The following WDPCP variants were observed in gnomAD, a reference collection of about 807,000 sequenced individuals.
The protein encoded by WDPCP is WD repeat-containing and planar cell polarity effector protein fritz homolog.
WDPCP carries 71 observed loss-of-function variants against 93.1 expected under a neutral mutation model. The ratio of observed to expected loss-of-function variants is 0.76; its 90% CI spans 0.63 to 0.93. The LOEUF is 0.93. Ranked by LOEUF, WDPCP falls within the 40% of genes least tolerant of loss-of-function variation. The pLI, the probability that WDPCP is intolerant of heterozygous loss-of-function variation, is 0.00. For synonymous variants in WDPCP, 315 were observed against 315.0 expected (o/e 1.00, Z 0.00); for missense variants, 844 against 887.4 (o/e 0.95, Z 0.62).
intron 2 of WDPCP, among the ~76,000 whole-genome samples, chr2:63,664,938 CCACTA>C (rs1315227629): frequency 6.6e-6 from 1 of 152,184 alleles, no homozygotes; most frequent in Non-Finnish European, 1.5e-5. Context: ...TATGCTCTTA[CCACTA>C]CACTACACTG....
chr2:63,687,559 A>G (rs1054368180), intron 2 of WDPCP, among the ~76,000 whole-genome samples: 4 of 152,202 alleles, frequency 2.6e-5, no homozygotes, highest in Non-Finnish European at 5.9e-5. Flanking sequence ...AAGACATACA[A>G]ACAACAAACA....
chr2:63,141,366 C>T (rs1671049540), intron 17 of WDPCP, among the ~76,000 whole-genome samples: 2 of 152,334 alleles, frequency 1.3e-5, no homozygotes, highest in South Asian at 4.1e-4. Context: ...CATGAGCCAC[C>T]ATGTCCAGCT....
intron 13 of WDPCP, 97 bp from the exon 14 acceptor site, chr2:63,259,506 A>T (rs911597994): frequency 1.0e-6 from 1 of 964,498 alleles, no homozygotes; most frequent in Non-Finnish European, 1.6e-6. Context: ...AGATTACAAA[A>T]TAGAAACAGT....
At chr2:63,167,874 G>A (rs1673101943) in intron 15 of WDPCP, among the ~76,000 whole-genome samples, 1 of 152,016 alleles carries the variant, frequency 6.6e-6, no homozygotes, top group South Asian at 2.1e-4. Flanking sequence ...CAGCACTTTG[G>A]GAGGCCAAGG....
chr2:63,141,296 C>T (rs1671042657), intron 17 of WDPCP, among the ~76,000 whole-genome samples: 1 of 152,154 alleles, frequency 6.6e-6, no homozygotes, highest in African/African-American at 2.4e-5. Flanking sequence ...TCAGGCTGGC[C>T]TCAAACTCCT....
intron 12 of WDPCP, among the ~76,000 whole-genome samples, chr2:63,352,751 A>T (rs1488607081): frequency 1.3e-5 from 2 of 152,212 alleles, no homozygotes; most frequent in African/African-American, 4.8e-5. Context: ...CCTGGCCTCC[A>T]TTAAGGCTAG....
At chr2:63,372,991 C>A (rs531532908) in intron 12 of WDPCP, among the ~76,000 whole-genome samples, 83 of 152,094 alleles carry the variant, frequency 5.5e-4, no homozygotes, top group African/African-American at 2.0e-3. Flanking sequence ...GGCATGGTGG[C>A]GCATTCCTGT....
intron 12 of WDPCP, among the ~76,000 whole-genome samples, chr2:63,347,842 T>G (rs1182689635): frequency 6.6e-6 from 1 of 151,970 alleles, no homozygotes; most frequent in Non-Finnish European, 1.5e-5. Context: ...ACTTATATGT[T>G]AGGGACCTAA....
chr2:63,727,428 T>C (rs575660158), intron 2 of WDPCP, among the ~76,000 whole-genome samples: 33 of 152,350 alleles, frequency 2.2e-4, no homozygotes, highest in Middle Eastern at 6.8e-3. Context: ...CATTTTCATG[T>C]CCTCCTGGAT....
At chr2:63,372,600 C>T (rs1691488898) in intron 12 of WDPCP, among the ~76,000 whole-genome samples, 1 of 152,118 alleles carries the variant, frequency 6.6e-6, no homozygotes, top group African/African-American at 2.4e-5. Context: ...TTCAATTATA[C>T]AGTATTGTTC....
At chr2:63,458,150 G>A (rs1323054579) in intron 6 of WDPCP, among the ~76,000 whole-genome samples, 3 of 149,476 alleles carry the variant, frequency 2.0e-5, no homozygotes, top group Non-Finnish European at 3.0e-5. Flanking sequence ...AAAAAAAACT[G>A]GAATAAGACA....
intron 2 of WDPCP, among the ~76,000 whole-genome samples, chr2:63,787,383 G>A (rs937792563): frequency 1.3e-5 from 2 of 152,186 alleles, no homozygotes; most frequent in African/African-American, 4.8e-5. Flanking sequence ...AAAAATAGAC[G>A]GAGAAGTTTC....
At chr2:63,608,749 G>A (rs1709582188) in intron 3 of WDPCP, among the ~76,000 whole-genome samples, 1 of 152,246 alleles carries the variant, frequency 6.6e-6, no homozygotes, top group African/African-American at 2.4e-5. Flanking sequence ...ATTCAAGGCT[G>A]CAGTGAGCTA....
chr2:63,249,422 C>T (rs989062429), intron 14 of WDPCP, among the ~76,000 whole-genome samples: 1 of 152,064 alleles, frequency 6.6e-6, no homozygotes, highest in Non-Finnish European at 1.5e-5. Context: ...TCCTACATAC[C>T]AAGGTGTTCT....
chr2:63,638,534 A>G (rs1709946524), intron 3 of WDPCP, among the ~76,000 whole-genome samples: 1 of 152,210 alleles, frequency 6.6e-6, no homozygotes, highest in South Asian at 2.1e-4. Context: ...TCTCAGTTGT[A>G]ATCCCAACAC....
chr2:63,670,228 G>C (rs2106635168), intron 2 of WDPCP, among the ~76,000 whole-genome samples: 1 of 152,230 alleles, frequency 6.6e-6, no homozygotes, highest in Non-Finnish European at 1.5e-5. Flanking sequence ...CTTTCAAGGT[G>C]CCAGGCTTTT....
At chr2:63,561,216 C>T (rs557098037) in intron 1 of WDPCP, among the ~76,000 whole-genome samples, 20 of 152,264 alleles carry the variant, frequency 1.3e-4, no homozygotes, top group Admixed American at 5.9e-4. Flanking sequence ...CGGTGGCTCA[C>T]GCCTCTAATC....
At chr2:63,317,662 G>A (rs756148580) in intron 12 of WDPCP, among the ~76,000 whole-genome samples, 2 of 152,072 alleles carry the variant, frequency 1.3e-5, no homozygotes, top group African/African-American at 2.4e-5. Context: ...GCAGCAATGG[G>A]GAAATGACCT....
At chr2:63,463,544 G>A (rs867969112) in intron 6 of WDPCP, among the ~76,000 whole-genome samples, 3 of 152,196 alleles carry the variant, frequency 2.0e-5, no homozygotes, top group South Asian at 2.1e-4. Flanking sequence ...AAACCATTTT[G>A]AAAAAGAAGA....
Sources: gnomAD v4.1 joint callset for allele counts (sites outside exome capture counted in the v4.1 genomes callset) on GRCh38, gnomAD v4.1.1 for gene constraint, MANE v1.5 for transcripts, NCBI Gene and HGNC (gene_info 2026-07-23, HGNC 2026-07-21) for gene names.